The following SSPN variants were observed in gnomAD, a reference collection of about 807,000 sequenced individuals.
The protein encoded by SSPN is K-ras oncogene-associated protein.
SSPN carries 15 observed loss-of-function variants against 19.1 expected under a neutral mutation model. The observed-to-expected ratio is 0.78, with a 90% confidence interval of 0.52 to 1.21. The LOEUF (loss-of-function observed/expected upper bound fraction) is 1.21, where lower values mean the gene tolerates loss of function less well. SSPN is among the 50% of genes most tolerant of loss of function. SSPN has a pLI of 0.00. For synonymous variants in SSPN, 147 were observed against 140.3 expected (o/e 1.05, Z -0.34); for missense variants, 291 against 314.0 (o/e 0.93, Z 0.55).
intron 1 of SSPN, among the ~76,000 whole-genome samples, chr12:26,197,678 C>T (rs1002145330): frequency 6.6e-6 from 1 of 152,192 alleles, no homozygotes; most frequent in Non-Finnish European, 1.5e-5. Context: ...AACTAAAGCT[C>T]CTGTGGGAGA....
intron 1 of SSPN, among the ~76,000 whole-genome samples, chr12:26,212,397 G>A (rs956702091): frequency 2.0e-5 from 3 of 152,124 alleles, no homozygotes; most frequent in Non-Finnish European, 2.9e-5. Context: ...AGAATTTCTT[G>A]TCTAGAATTG....
chr12:26,229,456 G>A (rs1945208706), intron 2 of SSPN, among the ~76,000 whole-genome samples: 1 of 152,214 alleles, frequency 6.6e-6, no homozygotes, highest in Admixed American at 6.5e-5. Context: ...TTTAAGACTT[G>A]AAAACACTTG....
chr12:26,123,155 C>A, intron 1 of SSPN: 1 of 1,594,548 alleles, frequency 6.3e-7, no homozygotes. Flanking sequence ...TGGGCGATTT[C>A]AGAGATCGCT....
intron 1 of SSPN, among the ~76,000 whole-genome samples, chr12:26,202,269 A>T (rs1944893557): frequency 6.6e-6 from 1 of 152,196 alleles, no homozygotes; most frequent in African/African-American, 2.4e-5. Flanking sequence ...GAACCCATTG[A>T]TACAGAGGGC....
intron 1 of SSPN, among the ~76,000 whole-genome samples, chr12:26,167,129 TTTAA>T (rs1944625945): frequency 6.6e-6 from 1 of 152,220 alleles, no homozygotes; most frequent in Non-Finnish European, 1.5e-5. Flanking sequence ...GATGATAGCC[TTTAA>T]TTAGTCAATT....
At chr12:26,199,420 C>T (rs12311436) in intron 1 of SSPN, among the ~76,000 whole-genome samples, 2,512 of 152,262 alleles carry the variant, frequency 0.016, 69 homozygotes, top group African/African-American at 0.058. Flanking sequence ...GTGGAGACTA[C>T]GTAACCTGTA....
Position 26,195,628 on chromosome 12 carries a change from G to A in SSPN, c.-45G>A. ...GCCGTGCGCCGCGCTCCAGGGCCCAGGGCGCCGCACACGCACCCACCCACC... is the reference window on the plus strand; with the variant it reads ...GCCGTGCGCCGCGCTCCAGGGCCCAAGGCGCCGCACACGCACCCACCCACC... On this transcript the variant is annotated 5_prime_UTR_variant, in exon 1 of 3. Coordinates refer to ENST00000242729, the MANE Select transcript of SSPN (RefSeq NM_005086.5). 7.3e-7 allele frequency: 1 copy of A among 1,366,766 alleles called. No individual in the cohort carries two copies. Among genetic ancestry groups the A allele is most frequent in the Non-Finnish European group, 9.4e-7 (1 of 1,068,388 alleles). 84.7% of individuals were successfully genotyped at this position (1,366,766 alleles called of 1,614,324 possible).
intron 1 of SSPN, among the ~76,000 whole-genome samples, chr12:26,168,548 C>T (rs1010631584): frequency 3.2e-4 from 49 of 152,292 alleles, no homozygotes; most frequent in African/African-American, 1.1e-3. Context: ...TGTTCAGAGA[C>T]AACTGTGGGG....
At chr12:26,228,382 A>C (rs1945198032) in intron 2 of SSPN, among the ~76,000 whole-genome samples, 1 of 151,936 alleles carries the variant, frequency 6.6e-6, no homozygotes, top group Admixed American at 6.6e-5. Context: ...TCAAAAAAAA[A>C]AAAAAAGAAA....
At position 26,169,194 on chromosome 12, in the gene SSPN, C is replaced by CT. The variant is rs1012163465; in HGVS notation, c.-31+47052dup. On this transcript the variant is annotated intron_variant, in intron 1 of 2. Transcript: ENST00000538142. ...AAGAATTGATTCTGTTTTCTACTAA[C>CT]TTTTTTTTTTGTTCTGTCTTTGCTT... is the stretch of plus-strand genomic sequence containing the variant. Among the ~76,000 whole-genome samples, 403 of 148,978 alleles carry CT rather than the reference C, an allele frequency of 2.7e-3. 5 individuals are homozygous for CT. The highest frequency in any genetic ancestry group is 8.9e-3 in the African/African-American group (361 of 40,758).
intron 1 of SSPN, among the ~76,000 whole-genome samples, chr12:26,136,276 C>A (rs1392149221): frequency 3.3e-5 from 5 of 152,168 alleles, no homozygotes; most frequent in African/African-American, 1.2e-4. Flanking sequence ...ACCGGAGGTC[C>A]TGGTACCAAT....
chr12:26,227,333 T>G (rs1275418991), intron 2 of SSPN, among the ~76,000 whole-genome samples: 1 of 152,166 alleles, frequency 6.6e-6, no homozygotes, highest in Non-Finnish European at 1.5e-5. Flanking sequence ...TTCTCTAGTT[T>G]ACTTGGCCTG....
intron 2 of SSPN, among the ~76,000 whole-genome samples, chr12:26,228,653 TACAC>T (rs71435694): frequency 6.7e-6 from 1 of 149,394 alleles, no homozygotes; most frequent in South Asian, 2.1e-4. Context: ...CTACGATGGG[TACAC>T]ACACACACAC....
intron 1 of SSPN, among the ~76,000 whole-genome samples, chr12:26,183,970 A>C (rs1385772429): frequency 2.0e-5 from 3 of 152,226 alleles, no homozygotes; most frequent in Non-Finnish European, 4.4e-5. Flanking sequence ...TAAGCCTTCT[A>C]AGGGAGCAGC....
chr12:26,123,235 A>G, intron 1 of SSPN: 1 of 1,499,832 alleles, frequency 6.7e-7, no homozygotes, highest in Non-Finnish European at 8.9e-7. Context: ...TACCCACGTT[A>G]AAACATCTGC....
At chr12:26,163,857 A>G (rs560316966) in intron 1 of SSPN, among the ~76,000 whole-genome samples, 1 of 152,240 alleles carries the variant, frequency 6.6e-6, no homozygotes, top group Non-Finnish European at 1.5e-5. Flanking sequence ...CATTATGTCT[A>G]GTATTCAACA....
At chr12:26,151,743 C>G (rs1304532565) in intron 1 of SSPN, among the ~76,000 whole-genome samples, 1 of 152,082 alleles carries the variant, frequency 6.6e-6, no homozygotes, top group Non-Finnish European at 1.5e-5. Flanking sequence ...TTTTTTGTAA[C>G]AGGGCTGCAG....
intron 1 of SSPN, among the ~76,000 whole-genome samples, chr12:26,174,737 T>C (rs531579940): frequency 1.3e-5 from 2 of 152,256 alleles, no homozygotes; most frequent in Admixed American, 6.5e-5. Flanking sequence ...GCCAGGCTGG[T>C]TTCGAACTCC....
chr12:26,197,483 AAAAC>A (rs1479584309), intron 1 of SSPN, among the ~76,000 whole-genome samples: 5 of 152,232 alleles, frequency 3.3e-5, no homozygotes, highest in Non-Finnish European at 7.3e-5. Flanking sequence ...CAGGGGAATT[AAAAC>A]AAACAAAGAA....
Sources: allele counts gnomAD v4.1 joint callset (sites outside exome capture counted in the v4.1 genomes callset), GRCh38; gene constraint gnomAD v4.1.1; transcripts MANE v1.5; gene names NCBI Gene and HGNC (gene_info 2026-07-23, HGNC 2026-07-21).